The following KDM4C variants were observed in gnomAD, a reference collection of about 807,000 sequenced individuals.
KDM4C encodes lysine-specific demethylase 4C.
In KDM4C, 81 loss-of-function variants were observed where a neutral mutation model predicts 129.3. That is an observed-to-expected ratio of 0.63 (90% CI 0.52 to 0.75). The LOEUF is 0.75. Among genes scored for constraint, KDM4C ranks in the 30% least tolerant of loss-of-function variants. KDM4C has a pLI of 0.00. For synonymous variants in KDM4C, 573 were observed against 456.1 expected, an observed-to-expected ratio of 1.26 and a Z score of -3.26; for missense variants, 1,457 against 1,304.0, an observed-to-expected ratio of 1.12 and a Z score of -1.81.
At chr9:7,064,410 G>A (rs1215325101) in intron 17 of KDM4C, among the ~76,000 whole-genome samples, 2 of 152,156 alleles carry the variant, frequency 1.3e-5, no homozygotes, top group East Asian at 3.8e-4. Flanking sequence ...GGAGTATGGT[G>A]GCTCACCATG....
At chr9:6,731,996 G>C (rs1817350978) in intron 1 of KDM4C, among the ~76,000 whole-genome samples, 1 of 152,034 alleles carries the variant, frequency 6.6e-6, no homozygotes, top group South Asian at 2.1e-4. Flanking sequence ...CTATCAGGAG[G>C]ATAATACCAA....
intron 1 of KDM4C, among the ~76,000 whole-genome samples, chr9:6,730,179 G>C (rs974191896): frequency 6.6e-6 from 1 of 151,910 alleles, no homozygotes; most frequent in Non-Finnish European, 1.5e-5. Flanking sequence ...GCAGCATTTT[G>C]GCTTTGCTTC....
At chr9:7,104,133 T>C (rs1837418328) in intron 18 of KDM4C, 3 of 413,526 alleles carry the variant, frequency 7.3e-6, no homozygotes, top group Non-Finnish European at 4.5e-6. Context: ...CAGAAAACTC[T>C]CCATGCCTGT....
intron 4 of KDM4C, among the ~76,000 whole-genome samples, chr9:6,849,148 G>A (rs1838378751): frequency 6.6e-6 from 1 of 152,106 alleles, no homozygotes; most frequent in East Asian, 1.9e-4. Context: ...AAACAAAAAG[G>A]TGTGCCAAGG....
chr9:6,763,907 G>A (rs1184679994), intron 1 of KDM4C, among the ~76,000 whole-genome samples: 1 of 152,036 alleles, frequency 6.6e-6, no homozygotes, highest in Non-Finnish European at 1.5e-5. Flanking sequence ...ACAGGCCTGC[G>A]CTACCACGCC....
intron 8 of KDM4C, among the ~76,000 whole-genome samples, chr9:6,925,961 C>A (rs1253833276): frequency 2.6e-5 from 4 of 152,090 alleles, no homozygotes; most frequent in East Asian, 1.9e-4. Flanking sequence ...TGGAACGTTT[C>A]CAGTGGCTTC....
intron 18 of KDM4C, among the ~76,000 whole-genome samples, chr9:7,115,390 GAC>G (rs1306863822): frequency 1.3e-5 from 2 of 151,988 alleles, no homozygotes; most frequent in Non-Finnish European, 2.9e-5. Context: ...ATTAAGTAGT[GAC>G]ACTAATCTCA....
chr9:6,827,764 C>T (rs1488841204), intron 4 of KDM4C, among the ~76,000 whole-genome samples: 1 of 152,164 alleles, frequency 6.6e-6, no homozygotes, highest in Non-Finnish European at 1.5e-5. Flanking sequence ...GGTTTTGACG[C>T]AGAGAGAGAG....
intron 17 of KDM4C, among the ~76,000 whole-genome samples, chr9:7,100,749 C>CT (rs893656598): frequency 9.9e-5 from 15 of 152,022 alleles, no homozygotes; most frequent in African/African-American, 3.4e-4. Flanking sequence ...TGGATTCTTC[C>CT]TTTTTTTCTT....
rs549668388 is a variant in KDM4C at position 6,807,424 on chromosome 9, T to C, written c.320+1650T>C. On this transcript the variant is annotated intron_variant, in intron 3 of 21. Coordinates refer to ENST00000381309, the MANE Select transcript of KDM4C (RefSeq NM_015061.6). ...GCGTCTCCGCCCGGCCGCCATCCCA[T>C]CTAGGAAGTGAGGAGCGCCTCTTCC... Among the ~76,000 whole-genome samples the C allele has an allele frequency of 5.9e-4, 83 of 140,926 alleles. 3 individuals are homozygous for C. The highest frequency in any genetic ancestry group is 3.9e-3 in the South Asian group (17 of 4,350). 92.5% of individuals were successfully genotyped at this position (140,926 alleles called of 152,430 possible).
chr9:6,793,460 A>G (rs553868510), intron 2 of KDM4C, among the ~76,000 whole-genome samples: 18 of 151,992 alleles, frequency 1.2e-4, no homozygotes, highest in African/African-American at 3.9e-4. Context: ...TTTGTAGACA[A>G]CAATTATTAA....
chr9:6,722,516 TA>T lies in KDM4C; in HGVS notation c.49+1520del, dbSNP rs1008092060. 1.9e-3 allele frequency among the ~76,000 whole-genome samples: 210 copies of T among 111,120 alleles called. 1 individual carries two copies. Among genetic ancestry groups the T allele is most frequent in the African/African-American group, 4.8e-3 (170 of 35,316 alleles). The allele number at this position is 111,120 out of a possible 152,430, so 72.9% of individuals were successfully genotyped here. On this transcript the variant is annotated intron_variant, in intron 1 of 17. Coordinates refer to the KDM4C transcript ENST00000536108. ...AACATGGCAAAACCCTATGTCTATA[TA>T]TTTTTTTTTTTTTGAGATGGAGTTT...
intron 8 of KDM4C, among the ~76,000 whole-genome samples, chr9:6,923,229 ATT>A (rs58932705): frequency 6.5e-4 from 96 of 148,592 alleles, no homozygotes; most frequent in Middle Eastern, 6.9e-3. Context: ...AATCAGACAG[ATT>A]TTTTTTTTTT....
chr9:6,919,255 C>CTTTCTTTCTTTCTTTCTTTCTTTTCT (rs1554643789), intron 8 of KDM4C, among the ~76,000 whole-genome samples: 2 of 122,526 alleles, frequency 1.6e-5, no homozygotes, highest in Non-Finnish European at 3.4e-5. Flanking sequence ...TCTTTTCTTT[C>CTTTCTTTCTTTCTTTCTTTCTTTTCT]TTTCTTTCTT....
In KDM4C at chr9:6,881,897, G is replaced by A. The variant is rs141409976; in HGVS notation, c.679+1836G>A. On this transcript the variant is annotated intron_variant, in intron 6 of 21. Coordinates refer to ENST00000381309, the MANE Select transcript of KDM4C (RefSeq NM_015061.6). ...AAAATAATGCAGTGCGAATGATGGA[G>A]CATTTTAGAATGTCTAGCTGATAGC... is the stretch of plus-strand genomic sequence containing the variant. Among the ~76,000 whole-genome samples, 398 of 152,316 alleles carry A rather than the reference G, an allele frequency of 2.6e-3. 4 individuals are homozygous for A. The highest frequency in any genetic ancestry group is 8.8e-3 in the African/African-American group (364 of 41,572).
At chr9:7,145,555 T>C (rs1469153707) in intron 19 of KDM4C, among the ~76,000 whole-genome samples, 3 of 152,206 alleles carry the variant, frequency 2.0e-5, no homozygotes, top group Admixed American at 2.0e-4. Context: ...TCCTCTGCCA[T>C]ACCTCTGGTG....
chr9:7,149,288 C>T (rs942619772), intron 19 of KDM4C, among the ~76,000 whole-genome samples: 1 of 152,240 alleles, frequency 6.6e-6, no homozygotes, highest in African/African-American at 2.4e-5. Flanking sequence ...GCTATCAAGA[C>T]ACGATGGCAA....
intron 4 of KDM4C, among the ~76,000 whole-genome samples, chr9:6,824,879 C>G (rs538243699): frequency 6.6e-6 from 1 of 151,986 alleles, no homozygotes; most frequent in African/African-American, 2.4e-5. Context: ...TACGGTGGCT[C>G]ACACCCATAA....
At chr9:7,052,909 G>GAGAGAGAGAGAGAGAGAGAGAGAGAGA (rs767668455) in intron 17 of KDM4C, among the ~76,000 whole-genome samples, 10 of 100,154 alleles carry the variant, frequency 1.0e-4, no homozygotes, top group Non-Finnish European at 1.4e-4. Flanking sequence ...GAGCGAGCGA[G>GAGAGAGAGAGAGAGAGAGAGAGAGAGA]TGCCCAAGGG....
Sources: gnomAD v4.1 joint callset for allele counts (sites outside exome capture counted in the v4.1 genomes callset) on GRCh38, gnomAD v4.1.1 for gene constraint, MANE v1.5 for transcripts, NCBI Gene and HGNC (gene_info 2026-07-23, HGNC 2026-07-21) for gene names.